PPARG: variants seen among roughly 807,000 people sequenced by gnomAD.
The protein encoded by PPARG is peroxisome proliferator activated receptor gamma, also known as peroxisome proliferator-activated receptor gamma.
Under a neutral mutation model 39.2 loss-of-function variants are expected in PPARG, and 17 were observed. That is an observed-to-expected ratio of 0.43 (90% CI 0.30 to 0.65). The LOEUF (loss-of-function observed/expected upper bound fraction) is 0.65. PPARG is among the 30% of genes least tolerant of loss of function. PPARG has a pLI of 0.13. For synonymous variants in PPARG, 223 were observed against 215.7 expected, an observed-to-expected ratio of 1.03 and a Z score of -0.30; for missense variants, 406 against 585.9, an observed-to-expected ratio of 0.69 and a Z score of 3.17.
intron 6 of PPARG, among the ~76,000 whole-genome samples, chr3:12,409,977 A>C (rs2050821284): frequency 6.6e-6 from 1 of 152,026 alleles, no homozygotes; most frequent in Admixed American, 6.5e-5. Context: ...CTCCCCTTCT[A>C]CCAACTTTAA....
intron 2 of PPARG, among the ~76,000 whole-genome samples, chr3:12,354,579 C>G (rs1172688023): frequency 2.6e-5 from 4 of 151,952 alleles, no homozygotes; most frequent in Non-Finnish European, 5.9e-5. Flanking sequence ...CGATGAAACC[C>G]TGTCTCTACT....
At chr3:12,289,363 C>A (rs1054778633) in intron 1 of PPARG, among the ~76,000 whole-genome samples, 1 of 152,036 alleles carries the variant, frequency 6.6e-6, no homozygotes, top group Admixed American at 6.6e-5. Flanking sequence ...TAAAATTTTT[C>A]TTCTTTTCCT....
At chr3:12,316,730 T>A (rs6792284) in intron 2 of PPARG, among the ~76,000 whole-genome samples, 3,698 of 151,876 alleles carry the variant, frequency 0.024, 143 homozygotes, top group African/African-American at 0.083. Flanking sequence ...CTTTTTTTTT[T>A]TAAAAAATCT....
intron 7 of PPARG, among the ~76,000 whole-genome samples, chr3:12,432,360 C>T (rs141158458): frequency 2.0e-5 from 3 of 152,194 alleles, no homozygotes; most frequent in African/African-American, 7.2e-5. Context: ...ATTCACTGTG[C>T]TAGGTTAAGA....
chr3:12,417,872 TTTTTC>T (rs1365484063), intron 7 of PPARG, among the ~76,000 whole-genome samples: 5 of 142,056 alleles, frequency 3.5e-5, no homozygotes, highest in African/African-American at 1.5e-4. Flanking sequence ...GAGTGTGACT[TTTTTC>T]TTTTTTTTTT....
chr3:12,369,987 G>A (rs929783603), intron 2 of PPARG, among the ~76,000 whole-genome samples: 9 of 152,178 alleles, frequency 5.9e-5, no homozygotes, highest in African/African-American at 1.7e-4. Context: ...TCTGTAGCCT[G>A]GGACTACCTT....
rs184235498 is a variant in PPARG, at chr3:12,429,817, T to C, written c.1181-4081T>C. Among the ~76,000 whole-genome samples, 13 of 152,258 alleles carry C rather than the reference T, an allele frequency of 8.5e-5. No homozygotes were observed. The East Asian group carries it at 2.5e-3, about 29-fold the overall frequency. ...AATGAAGCATCAGTGGCTTTTTCAT[T>C]CCCATAGAGCAACTGCGAGGAAGAC... On this transcript the variant is annotated intron_variant, in intron 7 of 7. Transcript: ENST00000651735.
intron 1 of PPARG, among the ~76,000 whole-genome samples, chr3:12,311,511 A>G (rs925430568): frequency 2.0e-5 from 3 of 152,250 alleles, no homozygotes; most frequent in Non-Finnish European, 4.4e-5. Context: ...TTCATGGTCT[A>G]CTACATTTAT....
intron 7 of PPARG, among the ~76,000 whole-genome samples, chr3:12,426,201 A>G (rs1446356044): frequency 6.6e-6 from 1 of 152,230 alleles, no homozygotes; most frequent in African/African-American, 2.4e-5. Context: ...TATCAGGCAT[A>G]GATAGGGGAA....
intron 2 of PPARG, among the ~76,000 whole-genome samples, chr3:12,353,348 A>T (rs1267919927): frequency 6.6e-6 from 1 of 152,222 alleles, no homozygotes; most frequent in Non-Finnish European, 1.5e-5. Context: ...GAGCTCCTAA[A>T]GGCCCAAGAC....
At chr3:12,433,486 C>T (rs1051098055) in intron 7 of PPARG, among the ~76,000 whole-genome samples, 2 of 147,568 alleles carry the variant, frequency 1.4e-5, no homozygotes, top group East Asian at 2.0e-4. Context: ...TGTAGTGAGC[C>T]GACGTCATGC....
At chr3:12,336,177 T>C (rs1559498084) in intron 2 of PPARG, among the ~76,000 whole-genome samples, 1 of 152,238 alleles carries the variant, frequency 6.6e-6, no homozygotes, top group Non-Finnish European at 1.5e-5. Flanking sequence ...GAGACAGTGC[T>C]GGAACCAAAA....
intron 2 of PPARG, among the ~76,000 whole-genome samples, chr3:12,377,387 A>G (rs555467225): frequency 1.3e-5 from 2 of 152,252 alleles, no homozygotes; most frequent in East Asian, 1.9e-4. Flanking sequence ...ATGTTTCCAC[A>G]TATCTCTCTA....
intron 2 of PPARG, among the ~76,000 whole-genome samples, chr3:12,347,956 T>C (rs1021066817): frequency 3.3e-5 from 5 of 152,144 alleles, no homozygotes; most frequent in Admixed American, 2.6e-4. Context: ...GATTTTTAAA[T>C]GAGGTTATAG....
At chr3:12,346,383 C>T (rs1165989850) in intron 2 of PPARG, among the ~76,000 whole-genome samples, 1 of 152,034 alleles carries the variant, frequency 6.6e-6, no homozygotes, top group Non-Finnish European at 1.5e-5. Context: ...GAATTACAGT[C>T]ATATTATTCA....
At chr3:12,377,993 A>C (rs756556218) in intron 2 of PPARG, among the ~76,000 whole-genome samples, 1 of 152,204 alleles carries the variant, frequency 6.6e-6, no homozygotes, top group Non-Finnish European at 1.5e-5. Flanking sequence ...AAGACATACA[A>C]GTGGCCAACA....
intron 7 of PPARG, among the ~76,000 whole-genome samples, chr3:12,427,251 C>A (rs1319160133): frequency 1.8e-5 from 1 of 54,202 alleles, no homozygotes; most frequent in Non-Finnish European, 3.8e-5. Flanking sequence ...AGCATCATTT[C>A]TTCAAGGAAG....
At chr3:12,363,899 T>C (rs2048932022) in intron 2 of PPARG, among the ~76,000 whole-genome samples, 1 of 152,174 alleles carries the variant, frequency 6.6e-6, no homozygotes, top group South Asian at 2.1e-4. Flanking sequence ...TTAATAACTT[T>C]ATTTTTAGGG....
intron 7 of PPARG, among the ~76,000 whole-genome samples, chr3:12,428,584 G>C (rs1289964382): frequency 2.6e-5 from 4 of 152,248 alleles, no homozygotes; most frequent in Admixed American, 6.5e-5. Flanking sequence ...CCCTGGCACT[G>C]TCTGGGTATT....
Sources: allele counts gnomAD v4.1 joint callset (sites outside exome capture counted in the v4.1 genomes callset), GRCh38; gene constraint gnomAD v4.1.1; transcripts MANE v1.5; gene names NCBI Gene and HGNC (gene_info 2026-07-23, HGNC 2026-07-21).